Variants in GPR101 observed in about 807,000 individuals in gnomAD.
The protein encoded by GPR101 is probable G protein-coupled receptor 101.
A neutral mutation model predicts 16.4 loss-of-function variants in GPR101; 8 were observed. That is an observed-to-expected ratio of 0.49 (90% CI 0.29 to 0.88). The LOEUF (loss-of-function observed/expected upper bound fraction) is 0.88, where lower values mean the gene tolerates loss of function less well. Among genes scored for constraint, GPR101 ranks in the 40% least tolerant of loss-of-function variants. The pLI is 0.09. For synonymous variants in GPR101, 155 were observed against 168.7 expected (o/e 0.92, Z 0.63); for missense variants, 375 against 411.7 (o/e 0.91, Z 0.77).
intron 1 of GPR101, among the ~76,000 whole-genome samples, chrX:137,032,595 T>G (rs1045982375): frequency 1.8e-5 from 2 of 110,853 alleles, no homozygotes; most frequent in African/African-American, 6.6e-5. Context: ...TCGCTGTGTC[T>G]CTGCCCGTCT....
rs1466011983 is a variant in GPR101, at chrX:137,025,355, C to T, written c.*4793G>A. 1.8e-5 allele frequency among the ~76,000 whole-genome samples: 2 copies of T among 111,848 alleles called. No individual in the cohort carries two copies. The highest frequency in any genetic ancestry group is 6.5e-5 in the African/African-American group (2 of 30,742). On this transcript the variant is annotated 3_prime_UTR_variant, in exon 2 of 2. Coordinates refer to ENST00000651716, the MANE Select transcript of GPR101 (RefSeq NM_054021.2). The stretch of plus-strand genomic sequence containing the variant: ...ACAAACACAATCTAATATCTAGCAC[C>T]GTATCTCCAAGAACACTTACATTTT...
rs974875348 is a variant in GPR101, at chrX:137,033,893, C to A, written c.-184G>T. On this transcript the variant is annotated 5_prime_UTR_variant, in exon 1 of 2. Coordinates refer to ENST00000651716, the MANE Select transcript of GPR101 (RefSeq NM_054021.2). ...TCCCGGCCGCCTCTCGGGGCTCGGG[C>A]GGCTGCGAGCTGGCACGGGGCAGCG... 1.8e-5 allele frequency among the ~76,000 whole-genome samples: 2 copies of A among 112,011 alleles called. No individual in the cohort carries two copies. Among genetic ancestry groups the A allele is most frequent in the Non-Finnish European group, 3.8e-5 (2 of 52,871 alleles).
At position 137,030,089 on chromosome X, in the gene GPR101, A is replaced by G; in HGVS notation, c.*59T>C. On this transcript the variant is annotated 3_prime_UTR_variant, in exon 2 of 2. Transcript: ENST00000651716. The stretch of plus-strand genomic sequence containing the variant: ...TTAATGAATTGTGGGTCCATTGAAA[A>G]GAAATCTCCTCTTGTTTCTCGTGTT... The G allele has an allele frequency of 8.6e-6, 9 of 1,048,456 alleles. No individual in the cohort carries two copies. The highest frequency in any genetic ancestry group is 1.0e-5 in the Non-Finnish European group (8 of 779,642). The allele number at this position is 1,048,456 out of a possible 1,213,427, so 86.4% of individuals were successfully genotyped here.
Position 137,030,483 on chromosome X carries a change from C to T in GPR101, c.1192G>A (p.Ala398Thr), listed in dbSNP as rs1471909957. ...AAAATGATGATGAAGATCACTTTAG[C>T]AGCTTTGCACTGGTAGCACCTGGGC... ...PLPRCYQCKA[A>T]KVIFIIIFSY... is the part of the protein sequence containing the mutation. The change falls in exon 2 of 2, where the codon GCT becomes ACT. Residue 398 changes from alanine (A) to threonine (T), a missense_variant. Physicochemically the swap from Ala to Thr is moderately conservative, Grantham distance 58. Coordinates refer to ENST00000651716, the MANE Select transcript of GPR101 (RefSeq NM_054021.2). 36 of 1,209,058 alleles carry T rather than the reference C, an allele frequency of 3.0e-5. No homozygotes were observed. Among genetic ancestry groups the T allele is most frequent in the Non-Finnish European group, 3.8e-5 (34 of 894,844 alleles).
Position 137,027,053 on chromosome X carries a change from C to T in GPR101, c.*3095G>A, listed in dbSNP as rs1927178423. The stretch of plus-strand genomic sequence containing the variant: ...GGGAGCTGGAAGTGCAGAGGCCTTC[C>T]AAGCAGCTGGTACTTGTGGTGTCTC... On this transcript the variant is annotated 3_prime_UTR_variant, in exon 2 of 2. Transcript: ENST00000651716. Among the ~76,000 whole-genome samples the T allele has an allele frequency of 9.2e-6, 1 of 108,486 alleles. No homozygotes were observed. The allele number at this position is 108,486 out of a possible 115,157, so 94.2% of individuals were successfully genotyped here. A position where few individuals can be genotyped will look rare whatever the true frequency, so the allele number is the denominator to read the frequency against.
Position 137,030,874 on chromosome X carries a change from T to C in GPR101, c.801A>G (p.Glu267=). The C allele has an allele frequency of 8.3e-7, 1 of 1,211,585 alleles. No homozygotes were observed. The highest frequency in any genetic ancestry group is 1.1e-6 in the Non-Finnish European group (1 of 895,426). The part of the protein sequence containing the change: ...QDESEFRRQH[E]GEVKAKEGRM... The stretch of plus-strand genomic sequence containing the variant: ...TGCCCTCCTTGGCCTTGACCTCACC[T>C]TCATGCTGGCGGCGAAACTCACTCT... The change falls in exon 2 of 2, where the codon GAA becomes GAG. Residue 267 remains glutamate (E), a synonymous_variant. Transcript: ENST00000651716.
At position 137,030,223 on chromosome X, in the gene GPR101, G is replaced by A; in HGVS notation, c.1452C>T (p.His484=). The A allele has an allele frequency of 8.3e-7, 1 of 1,210,481 alleles. No individual in the cohort carries two copies. Among genetic ancestry groups the A allele is most frequent in the African/African-American group, 1.7e-5 (1 of 57,835 alleles). The change falls in exon 2 of 2, where the codon CAC becomes CAT. Residue 484 remains histidine, a synonymous_variant. Coordinates refer to ENST00000651716, the MANE Select transcript of GPR101 (RefSeq NM_054021.2). ...CKEKPPKEDS[H]PDLPGTEGGT... ...CACCCTCTGTTCCGGGCAGGTCTGGGTGGCTATCTTCTTTCGGGGGCTTTT... is the reference window on the plus strand; with the variant it reads ...CACCCTCTGTTCCGGGCAGGTCTGGATGGCTATCTTCTTTCGGGGGCTTTT...
Position 137,028,309 on chromosome X carries a change from A to G in GPR101, c.*1839T>C, listed in dbSNP as rs1927197440. Among the ~76,000 whole-genome samples, 2 of 111,693 alleles carry G rather than the reference A, an allele frequency of 1.8e-5. No individual in the cohort carries two copies. Among genetic ancestry groups the G allele is most frequent in the Admixed American group, 9.5e-5 (1 of 10,528 alleles). ...ACTTTCCTAAATTCTGAACATGGCA[A>G]TCCCAAATTCCCATGCAGAGTTATT... On this transcript the variant is annotated 3_prime_UTR_variant, in exon 2 of 2. Transcript: ENST00000651716.
Position 137,025,368 on chromosome X carries a change from A to T in GPR101, c.*4780T>A, listed in dbSNP as rs898871904. The stretch of plus-strand genomic sequence containing the variant: ...AATATCTAGCACCGTATCTCCAAGA[A>T]CACTTACATTTTATATACAGTTATA... On this transcript the variant is annotated 3_prime_UTR_variant, in exon 2 of 2. Transcript: ENST00000651716. 8.9e-6 allele frequency among the ~76,000 whole-genome samples: 1 copy of T among 112,196 alleles called. No homozygotes were observed. The highest frequency in any genetic ancestry group is 9.5e-5 in the Admixed American group (1 of 10,579).
Position 137,024,872 on chromosome X carries a change from G to A in GPR101, c.*5276C>T, listed in dbSNP as rs1257517391. Reference sequence around the variant, plus strand: ...GGTCAGGTGTTGGTTGGGTCTTCAGGGTGCAGTATTCTTTTCGTCCTGCTA... The same window carrying A: ...GGTCAGGTGTTGGTTGGGTCTTCAGAGTGCAGTATTCTTTTCGTCCTGCTA... On this transcript the variant is annotated 3_prime_UTR_variant, in exon 2 of 2. Transcript: ENST00000651716. 8.9e-6 allele frequency among the ~76,000 whole-genome samples: 1 copy of A among 111,799 alleles called. No homozygotes were observed. The highest frequency in any genetic ancestry group is 1.9e-5 in the Non-Finnish European group (1 of 53,117).
intron 1 of GPR101, among the ~76,000 whole-genome samples, chrX:137,032,362 T>A (rs1927284946): frequency 9.0e-6 from 1 of 111,348 alleles, no homozygotes; most frequent in African/African-American, 3.3e-5. Context: ...TCTGCAGGGC[T>A]TGCGCTCTCG....
chrX:137,026,100 C>G lies in GPR101; in HGVS notation c.*4048G>C, dbSNP rs1223109991. On this transcript the variant is annotated 3_prime_UTR_variant, in exon 2 of 2. Coordinates refer to ENST00000651716, the MANE Select transcript of GPR101 (RefSeq NM_054021.2). ...AAGCCATTGAGTGGCCAGATTTTCT[C>G]TCCTTATCTTGGCCACTGGCTAACA... 4.5e-5 allele frequency among the ~76,000 whole-genome samples: 5 copies of G among 111,972 alleles called. No individual in the cohort carries two copies. In the East Asian group the frequency reaches 1.1e-3, roughly 25 times the overall value.
Position 137,030,026 on chromosome X carries a change from G to A in GPR101, c.*122C>T. On this transcript the variant is annotated 3_prime_UTR_variant, in exon 2 of 2. Transcript: ENST00000651716. ...ATCTACCTTGTGGTGAAGAGCATGT[G>A]TGTGCAACACCTTTGCCTGAAATGG... The A allele has an allele frequency of 1.8e-6, 1 of 559,424 alleles. No homozygotes were observed. The highest frequency in any genetic ancestry group is 2.8e-6 in the Non-Finnish European group (1 of 356,372). 46.1% of individuals were successfully genotyped at this position (559,424 alleles called of 1,213,427 possible).
chrX:137,031,825 G>C (rs1422293149), intron 1 of GPR101, 59 bp from the exon 2 acceptor site: 1 of 496,392 alleles, frequency 2.0e-6, no homozygotes, highest in African/African-American at 2.4e-5. Flanking sequence ...AGAAGCCTCC[G>C]CGCCCAGCAA....
chrX:137,033,779 C>G (rs1441346565), intron 1 of GPR101, among the ~76,000 whole-genome samples, 23 bp downstream of exon 1: 4 of 112,031 alleles, frequency 3.6e-5, no homozygotes, highest in Non-Finnish European at 7.6e-5. Flanking sequence ...CCACGGAGCC[C>G]GGAGTAGGGC....
At position 137,030,056 on chromosome X, in the gene GPR101, G is replaced by A; in HGVS notation, c.*92C>T. 1.2e-6 allele frequency: 1 copy of A among 801,301 alleles called. No homozygotes were observed. 66.0% of individuals were successfully genotyped at this position (801,301 alleles called of 1,213,427 possible). A position where few individuals can be genotyped will look rare whatever the true frequency, so the allele number is the denominator to read the frequency against. On this transcript the variant is annotated 3_prime_UTR_variant, in exon 2 of 2. Coordinates refer to ENST00000651716, the MANE Select transcript of GPR101 (RefSeq NM_054021.2). The stretch of plus-strand genomic sequence containing the variant: ...CAACACCTTTGCCTGAAATGGTATG[G>A]TTTGGCATTAATGAATTGTGGGTCC...
chrX:137,028,148 T>A lies in GPR101; in HGVS notation c.*2000A>T, dbSNP rs1280478826. Among the ~76,000 whole-genome samples the A allele has an allele frequency of 8.9e-6, 1 of 112,353 alleles. No homozygotes were observed. Among genetic ancestry groups the A allele is most frequent in the African/African-American group, 3.2e-5 (1 of 30,944 alleles). On this transcript the variant is annotated 3_prime_UTR_variant, in exon 2 of 2. Transcript: ENST00000651716. Reference sequence around the variant, plus strand: ...ATTTTGGTAGAAAAATAAATGATAGTGTAAGGGTAAACTTTAGCCCCCATG... The same window carrying A: ...ATTTTGGTAGAAAAATAAATGATAGAGTAAGGGTAAACTTTAGCCCCCATG...
Position 137,031,346 on chromosome X carries a change from A to G in GPR101, c.329T>C (p.Leu110Pro). 8.3e-7 allele frequency: 1 copy of G among 1,200,974 alleles called. No individual in the cohort carries two copies. Among genetic ancestry groups the G allele is most frequent in the East Asian group, 3.0e-5 (1 of 33,796 alleles). ...GCTGGCGAAGGCGAACAGGTGGGTG[A>G]GGCTAACCAGGGCCGTGCAGAAGTG... The part of the protein sequence containing the change: ...NSHFCTALVS[L>P]THLFAFASVN... Residue 110 changes from leucine (L) to proline (P), a missense_variant, in exon 2 of 2, where the codon CTC (leucine) becomes CCC (proline). Leu to Pro is a moderately conservative substitution (Grantham distance 98, BLOSUM62 -3). Coordinates refer to ENST00000651716, the MANE Select transcript of GPR101 (RefSeq NM_054021.2).
At chrX:137,031,989 C>A (rs1302061717) in intron 1 of GPR101, among the ~76,000 whole-genome samples, 2 of 111,088 alleles carry the variant, frequency 1.8e-5, no homozygotes, top group Non-Finnish European at 3.8e-5. Flanking sequence ...CTGGCGCGTG[C>A]GTGCGTGCGC....
Sources: gnomAD v4.1 joint callset for allele counts (sites outside exome capture counted in the v4.1 genomes callset) on GRCh38, gnomAD v4.1.1 for gene constraint, MANE v1.5 for transcripts, NCBI Gene and HGNC (gene_info 2026-07-23, HGNC 2026-07-21) for gene names.